The following SYNRG variants were observed in gnomAD, a reference collection of about 807,000 sequenced individuals.
The protein encoded by SYNRG is synergin gamma.
A neutral mutation model predicts 130.9 loss-of-function variants in SYNRG; 37 were observed. That is an observed-to-expected ratio of 0.28 (90% CI 0.22 to 0.37). The LOEUF (loss-of-function observed/expected upper bound fraction) is 0.37, where lower values mean the gene tolerates loss of function less well. Among genes scored for constraint, SYNRG ranks in the 10% least tolerant of loss-of-function variants. SYNRG has a pLI of 1.00. For synonymous variants in SYNRG, 539 were observed against 568.1 expected (o/e 0.95, Z 0.73); for missense variants, 1,338 against 1,588.9 (o/e 0.84, Z 2.68).
At chr17:37,560,965 T>G (rs909926037) in intron 13 of SYNRG, among the ~76,000 whole-genome samples, 1 of 152,208 alleles carries the variant, frequency 6.6e-6, no homozygotes, top group Non-Finnish European at 1.5e-5. Context: ...GCACCCAGCC[T>G]AAACACGGTT....
chr17:37,607,571 T>C (rs1261269417), intron 1 of SYNRG, among the ~76,000 whole-genome samples: 1 of 152,164 alleles, frequency 6.6e-6, no homozygotes, highest in Non-Finnish European at 1.5e-5. Context: ...GGCGGATCAC[T>C]TGAGGCCAGG....
rs1162314404 is a variant in SYNRG, at chr17:37,520,602, C to T, written c.3713G>A (p.Gly1238Glu). Residue 1238 changes from glycine to glutamate, a missense_variant, in exon 20 of 22, where the codon GGG (glycine) becomes GAG (glutamate). Around this residue, in one of 3 missense-constraint regions of SYNRG, gnomAD observed 1,146 missense variants for 1,342.3 expected, o/e 0.85. Coordinates refer to ENST00000612223, the MANE Select transcript of SYNRG (RefSeq NM_007247.6). ...LDFSSCMLRP[G>E]IKNAQELACG... ...GGCAAGCTCCTGAGCATTTTTAATC[C>T]CAGGCCGTAACATACAGGAGGAAAA... 2 of 1,614,052 alleles carry T rather than the reference C, an allele frequency of 1.2e-6. No individual in the cohort carries two copies. Among genetic ancestry groups the T allele is most frequent in the Non-Finnish European group, 1.7e-6 (2 of 1,180,032 alleles).
Position 37,561,184 on chromosome 17 carries a change from CA to C in SYNRG, c.1663+10del. ...GAAATAATTTATCCTTTTGAGGACT[CA>C]AAAACTTACCTAAAGGTTTATTCTC... On this transcript the variant is annotated intron_variant, in intron 13 of 21. Transcript: ENST00000612223. 1.9e-6 allele frequency: 3 copies of C among 1,609,524 alleles called. No individual in the cohort carries two copies. Among genetic ancestry groups the C allele is most frequent in the Non-Finnish European group, 2.5e-6 (3 of 1,178,384 alleles).
chr17:37,607,974 A>C (rs1233521771), intron 1 of SYNRG, among the ~76,000 whole-genome samples: 5 of 150,650 alleles, frequency 3.3e-5, no homozygotes, highest in South Asian at 4.2e-4. Flanking sequence ...AAAAAAAAAA[A>C]AAAAAACAAG....
intron 1 of SYNRG, among the ~76,000 whole-genome samples, chr17:37,603,310 C>T (rs1010213232): frequency 6.6e-6 from 1 of 151,954 alleles, no homozygotes; most frequent in Non-Finnish European, 1.5e-5. Flanking sequence ...TTGAGACCAG[C>T]CTGGGCAACA....
intron 6 of SYNRG, among the ~76,000 whole-genome samples, chr17:37,580,569 C>T (rs1463938646): frequency 6.6e-6 from 1 of 151,724 alleles, no homozygotes; most frequent in Non-Finnish European, 1.5e-5. Flanking sequence ...GACTGTTGCT[C>T]TGTCGCCCAG....
At chr17:37,571,118 G>A (rs1459613838) in intron 9 of SYNRG, among the ~76,000 whole-genome samples, 1 of 152,118 alleles carries the variant, frequency 6.6e-6, no homozygotes, top group East Asian at 1.9e-4. Context: ...TGACAAGTTT[G>A]GTTAATTCTA....
At chr17:37,525,969 A>G (rs1044675889) in intron 19 of SYNRG, among the ~76,000 whole-genome samples, 1 of 152,084 alleles carries the variant, frequency 6.6e-6, no homozygotes, top group African/African-American at 2.4e-5. Context: ...CCGTCTCAAA[A>G]ACAAAACAAA....
chr17:37,558,442 T>C (rs747923773), intron 13 of SYNRG, among the ~76,000 whole-genome samples: 13 of 152,216 alleles, frequency 8.5e-5, no homozygotes, highest in African/African-American at 1.4e-4. Flanking sequence ...TAGTTAAGCT[T>C]TGCAGAACAT....
chr17:37,524,488 A>T (rs1303055614), intron 19 of SYNRG, among the ~76,000 whole-genome samples: 1 of 152,254 alleles, frequency 6.6e-6, no homozygotes, highest in Non-Finnish European at 1.5e-5. Context: ...CAGAGAAGAA[A>T]AGGTGAGGTG....
intron 19 of SYNRG, among the ~76,000 whole-genome samples, chr17:37,522,271 G>A (rs2055188476): frequency 6.6e-6 from 1 of 151,974 alleles, no homozygotes; most frequent in African/African-American, 2.4e-5. Flanking sequence ...CTGGGCTCAA[G>A]AGATCCTCAG....
At chr17:37,547,261 A>G (rs1033389587) in intron 14 of SYNRG, among the ~76,000 whole-genome samples, 2 of 152,234 alleles carry the variant, frequency 1.3e-5, no homozygotes, top group African/African-American at 4.8e-5. Flanking sequence ...ATTTTAAGTT[A>G]GAGGAAGACA....
chr17:37,590,465 G>A (rs1182743931), intron 3 of SYNRG, among the ~76,000 whole-genome samples: 1 of 152,060 alleles, frequency 6.6e-6, no homozygotes, highest in Non-Finnish European at 1.5e-5. Flanking sequence ...TCTGTCAATA[G>A]AACAACATAT....
At chr17:37,580,967 G>A (rs2146335989) in intron 6 of SYNRG, among the ~76,000 whole-genome samples, 1 of 152,214 alleles carries the variant, frequency 6.6e-6, no homozygotes, top group East Asian at 1.9e-4. Flanking sequence ...ACCATGCCTG[G>A]CCAAGACAAG....
In SYNRG at chr17:37,571,305, G is replaced by C. The variant is rs182963109; in HGVS notation, c.1099-420C>G. Among the ~76,000 whole-genome samples, 74 of 152,334 alleles carry C rather than the reference G, an allele frequency of 4.9e-4. 1 individual carries two copies. The highest frequency in any genetic ancestry group is 1.7e-3 in the African/African-American group (70 of 41,568). The stretch of plus-strand genomic sequence containing the variant: ...GTTAATATTAAAAGTCTTTAGGCCA[G>C]GCGTGGTGGCTCATGCCTGTAATCC... On this transcript the variant is annotated intron_variant, in intron 9 of 21. Transcript: ENST00000612223.
At chr17:37,529,796 A>G (rs1162097896) in intron 19 of SYNRG, 1 of 1,551,508 alleles carries the variant, frequency 6.4e-7, no homozygotes, top group South Asian at 1.2e-5. Flanking sequence ...TTCTTCTAAG[A>G]GCTCATGGTA....
chr17:37,586,768 A>G (rs2061724641), intron 3 of SYNRG, among the ~76,000 whole-genome samples: 1 of 152,172 alleles, frequency 6.6e-6, no homozygotes, highest in East Asian at 1.9e-4. Flanking sequence ...TCCCCTTAAT[A>G]TCTAACCCCT....
chr17:37,535,889 T>G (rs940282410), intron 19 of SYNRG, 90 bp downstream of exon 19: 2 of 1,558,388 alleles, frequency 1.3e-6, no homozygotes, highest in African/African-American at 2.7e-5. Context: ...CTCCAGCCTC[T>G]AATAAGTACC....
intron 6 of SYNRG, chr17:37,578,994 T>C: frequency 1.7e-6 from 1 of 577,280 alleles, no homozygotes; most frequent in African/African-American, 2.0e-5. Context: ...GACACTTGTT[T>C]TGTTGAATTT....
Sources: gnomAD v4.1 joint callset for allele counts (sites outside exome capture counted in the v4.1 genomes callset) on GRCh38, gnomAD v4.1.1 for gene constraint, gnomAD v4.1.1 regional missense constraint, MANE v1.5 for transcripts, NCBI Gene and HGNC (gene_info 2026-07-23, HGNC 2026-07-21) for gene names.